The following HK1 variants were observed in gnomAD, a reference collection of about 807,000 sequenced individuals.
The protein encoded by HK1 is hexokinase-1.
In HK1, 28 loss-of-function variants were observed where a neutral mutation model predicts 91.6. The observed-to-expected ratio is 0.31, with a 90% CI of 0.23 to 0.42. The LOEUF is 0.42. Among genes scored for constraint, HK1 ranks in the 10% least tolerant of loss-of-function variants. The pLI is 1.00. For missense variants in HK1, 770 were observed against 1,219.8 expected (o/e 0.63, Z 5.49); for synonymous variants, 430 against 468.1 (o/e 0.92, Z 1.05).
At chr10:69,345,639 G>T (rs1298178961) in intron 2 of HK1, among the ~76,000 whole-genome samples, 1 of 152,082 alleles carries the variant, frequency 6.6e-6, no homozygotes, top group Non-Finnish European at 1.5e-5. Flanking sequence ...TCCCTGCGAG[G>T]CACCTGGCCC....
rs1374246539 is a variant in HK1, at chr10:69,308,712, C to T, written c.27+7851C>T. ...AGGCTACCTGCCTTTAGTTTTGCTT[C>T]TCTTTCTTTTTCTGAGTATAAAACA... On this transcript the variant is annotated intron_variant, in intron 5 of 21. Coordinates refer to the HK1 transcript ENST00000360289. Among the ~76,000 whole-genome samples, 3 of 152,292 alleles carry T rather than the reference C, an allele frequency of 2.0e-5. No homozygotes were observed. The South Asian group carries it at 6.2e-4, about 32-fold the overall frequency.
intron 1 of HK1, among the ~76,000 whole-genome samples, chr10:69,320,229 C>T (rs1016843644): frequency 6.6e-6 from 1 of 152,100 alleles, no homozygotes; most frequent in African/African-American, 2.4e-5. Flanking sequence ...GTGCCTCCAC[C>T]CAGGAACTTC....
intron 3 of HK1, among the ~76,000 whole-genome samples, chr10:69,361,227 C>G (rs1391541461): frequency 6.6e-6 from 1 of 152,244 alleles, no homozygotes; most frequent in African/African-American, 2.4e-5. Context: ...AGGTGAGCCA[C>G]TTTATAGTAG....
At chr10:69,283,457 T>C (rs893205971) in intron 2 of HK1, among the ~76,000 whole-genome samples, 3 of 144,600 alleles carry the variant, frequency 2.1e-5, no homozygotes, top group African/African-American at 7.7e-5. Context: ...CCTGTCTCAA[T>C]AATAATAATA....
At chr10:69,370,605 C>T (rs1400376751) in intron 7 of HK1, among the ~76,000 whole-genome samples, 1 of 152,124 alleles carries the variant, frequency 6.6e-6, no homozygotes, top group South Asian at 2.1e-4. Context: ...GGATCCAAAA[C>T]AGCACCTTCC....
chr10:69,316,552 C>T (rs539435758), upstream of HK1, among the ~76,000 whole-genome samples: 5 of 152,334 alleles, frequency 3.3e-5, no homozygotes, highest in South Asian at 1.0e-3. Context: ...GAATGAGTCA[C>T]CTTGAGAAGC....
Position 69,366,316 on chromosome 10 carries a change from A to G in HK1, c.495+1414A>G, listed in dbSNP as rs79184316. On this transcript the variant is annotated intron_variant, in intron 4 of 17. Coordinates refer to ENST00000359426, the MANE Select transcript of HK1 (RefSeq NM_000188.3). ...TAACTGGTCTACTCTGCTGCAAGTT[A>G]GTAGCATTTGGGCTCAGGGCACCTT... Among the ~76,000 whole-genome samples, 779 of 152,272 alleles carry G rather than the reference A, an allele frequency of 5.1e-3. 8 individuals are homozygous for G. Among genetic ancestry groups the G allele is most frequent in the African/African-American group, 0.018 (733 of 41,556 alleles).
Position 69,384,849 on chromosome 10 carries a change from C to T in HK1, c.1773C>T (p.Ile591=). 1 of 1,614,072 alleles carries T rather than the reference C, an allele frequency of 6.2e-7. No homozygotes were observed. Among genetic ancestry groups the T allele is most frequent in the Non-Finnish European group, 8.5e-7 (1 of 1,179,904 alleles). ...CISDFLDYMG[I]KGPRMPLGFT... The stretch of plus-strand genomic sequence containing the variant: ...CTGACTTCTTGGACTACATGGGGAT[C>T]AAAGGCCCCAGGATGCCTCTGGGCT... Residue 591 remains isoleucine (I), a synonymous_variant, in exon 12 of 18, where the codon ATC becomes ATT. Coordinates refer to ENST00000359426, the MANE Select transcript of HK1 (RefSeq NM_000188.3).
chr10:69,272,715 A>G (rs770228292), intron 1 of HK1, among the ~76,000 whole-genome samples: 8 of 150,554 alleles, frequency 5.3e-5, no homozygotes, highest in Non-Finnish European at 1.2e-4. Context: ...TTAGTTTCCA[A>G]CAGTCATTTA....
rs552209864 is a variant in HK1, at chr10:69,380,375, C to T, written c.1265+280C>T. ...TGCTTAGTTCTGGGCATAAGGTCAG[C>T]GTCGCCCCCTTGGGAAGTATCGCCC... On this transcript the variant is annotated intron_variant, in intron 9 of 17. Transcript: ENST00000359426. This position sits in a 1 kb window ranked among gnomAD's most constrained non-coding sequence, Gnocchi z 4.0. Among the ~76,000 whole-genome samples the T allele has an allele frequency of 2.6e-5, 4 of 152,254 alleles. No individual in the cohort carries two copies. Among genetic ancestry groups the T allele is most frequent in the African/African-American group, 4.8e-5 (2 of 41,562 alleles).
intron 1 of HK1, among the ~76,000 whole-genome samples, chr10:69,342,589 CT>C (rs1457571157): frequency 1.3e-5 from 2 of 152,156 alleles, no homozygotes; most frequent in African/African-American, 4.8e-5. Flanking sequence ...GGGTAGGTGC[CT>C]TGGCAGTGGG....
At chr10:69,283,808 A>AAAAAAAAAAAAAAAAAAAAG in intron 2 of HK1, among the ~76,000 whole-genome samples, 1 of 144,698 alleles carries the variant, frequency 6.9e-6, no homozygotes, top group African/African-American at 2.7e-5. Context: ...CAAAAAAAAA[A>AAAAAAAAAAAAAAAAAAAAG]AAAAAAAAAG....
intron 4 of HK1, among the ~76,000 whole-genome samples, chr10:69,367,885 G>A (rs1019085283): frequency 6.6e-6 from 1 of 152,206 alleles, no homozygotes; most frequent in African/African-American, 2.4e-5. Context: ...ATTATAGAAT[G>A]TTTACCATTG....
chr10:69,373,622 A>T, intron 7 of HK1, among the ~76,000 whole-genome samples: 2 of 139,526 alleles, frequency 1.4e-5, no homozygotes, highest in African/African-American at 2.7e-5. Flanking sequence ...ACAGGGTATC[A>T]CTCTGTTGCC....
chr10:69,278,895 G>C (rs2132421368), intron 1 of HK1: 1 of 152,340 alleles, frequency 6.6e-6, no homozygotes, highest in Admixed American at 6.5e-5. Flanking sequence ...GTGTTTGGCG[G>C]GAAGCCAGTT....
chr10:69,276,146 T>C (rs1171088923), intron 1 of HK1, among the ~76,000 whole-genome samples: 2 of 123,692 alleles, frequency 1.6e-5, no homozygotes, highest in Admixed American at 9.2e-5. Context: ...TATACACATA[T>C]ATATATTCTA....
rs139012850 is a variant in HK1, at chr10:69,342,196, A to AACAAACAAACAAACAC, written c.64-1630_64-1629insCAAACAAACAAACACA. ...AAACAAACAAACAAACAAACAAACA[A>AACAAACAAACAAACAC]AGGAAAAAACACCAGTGTTAAGGTC... On this transcript the variant is annotated intron_variant, in intron 1 of 17. Coordinates refer to ENST00000359426, the MANE Select transcript of HK1 (RefSeq NM_000188.3). 8.3e-3 allele frequency among the ~76,000 whole-genome samples: 1,253 copies of AACAAACAAACAAACAC among 151,680 alleles called. 7 individuals are homozygous for AACAAACAAACAAACAC. Among genetic ancestry groups the AACAAACAAACAAACAC allele is most frequent in the Non-Finnish European group, 0.011 (717 of 67,894 alleles).
upstream of HK1, among the ~76,000 whole-genome samples, chr10:69,314,215 T>C (rs1846525614): frequency 6.6e-6 from 1 of 152,244 alleles, no homozygotes; most frequent in African/African-American, 2.4e-5. Flanking sequence ...TTCTTCCAGA[T>C]GTTCCCATGG....
At chr10:69,297,908 A>AG (rs1845649472) in intron 4 of HK1, among the ~76,000 whole-genome samples, 1 of 138,334 alleles carries the variant, frequency 7.2e-6, no homozygotes, top group Non-Finnish European at 1.6e-5. Context: ...AAAAAAAAAA[A>AG]GAAAAAAAAG....
Sources: gnomAD v4.1 joint callset for allele counts (sites outside exome capture counted in the v4.1 genomes callset) on GRCh38, gnomAD v4.1.1 for gene constraint, Gnocchi (gnomAD v3.1) non-coding constraint, MANE v1.5 for transcripts, NCBI Gene and HGNC (gene_info 2026-07-23, HGNC 2026-07-21) for gene names.